ADARB2: variants seen among roughly 807,000 people sequenced by gnomAD.
ADARB2 encodes the protein adenosine deaminase RNA specific B2 (inactive).
Under a neutral mutation model 62.2 loss-of-function variants are expected in ADARB2, and 25 were observed. The ratio of observed to expected loss-of-function variants is 0.40; its 90% CI spans 0.29 to 0.56. The LOEUF is 0.56. Among genes scored for constraint, ADARB2 ranks in the 20% least tolerant of loss-of-function variants. The pLI is 0.43. For missense variants in ADARB2, 1,071 were observed against 1,077.4 expected, an observed-to-expected ratio of 0.99 and a Z score of 0.08; for synonymous variants, 572 against 500.8, an observed-to-expected ratio of 1.14 and a Z score of -1.90.
chr10:1,410,952 C>T (rs1041104763), intron 1 of ADARB2, among the ~76,000 whole-genome samples: 8 of 152,308 alleles, frequency 5.3e-5, no homozygotes, highest in Admixed American at 2.0e-4. Context: ...CTCCTGGAGG[C>T]GAAGGGCTGA....
intron 1 of ADARB2, among the ~76,000 whole-genome samples, chr10:1,500,491 T>A (rs1366362389): frequency 1.3e-5 from 2 of 152,238 alleles, no homozygotes; most frequent in Non-Finnish European, 2.9e-5. Context: ...ATCTTGATAC[T>A]TCTAGGTTGA....
At chr10:1,215,266 G>A (rs1173940611) in intron 7 of ADARB2, among the ~76,000 whole-genome samples, 3 of 152,260 alleles carry the variant, frequency 2.0e-5, no homozygotes, top group African/African-American at 7.2e-5. Context: ...TGCCCCATGG[G>A]CATCTGTCTG....
At chr10:1,375,794 A>ACG (rs1273383662) in intron 2 of ADARB2, among the ~76,000 whole-genome samples, 4 of 138,556 alleles carry the variant, frequency 2.9e-5, no homozygotes, top group East Asian at 4.3e-4. Context: ...ACATGCACAC[A>ACG]CGCACACACA....
At chr10:1,640,996 A>G (rs1833973081) in intron 1 of ADARB2, among the ~76,000 whole-genome samples, 1 of 152,206 alleles carries the variant, frequency 6.6e-6, no homozygotes, top group Non-Finnish European at 1.5e-5. Context: ...AACCCATGAA[A>G]AGCTTAGATT....
At chr10:1,690,830 C>T (rs953089882) in intron 1 of ADARB2, among the ~76,000 whole-genome samples, 2 of 152,226 alleles carry the variant, frequency 1.3e-5, no homozygotes, top group African/African-American at 4.8e-5. Flanking sequence ...CGGGTCTCCC[C>T]GATCCTCCTC....
In ADARB2 at chr10:1,242,263, G is replaced by C; in HGVS notation, c.1229C>G (p.Ser410Cys). The C allele has an allele frequency of 6.3e-7, 1 of 1,581,596 alleles. No individual in the cohort carries two copies. The highest frequency in any genetic ancestry group is 8.6e-7 in the Non-Finnish European group (1 of 1,165,680). ...DARQAQVVAL[S>C]SGTKCISGEH... Reference sequence around the variant, plus strand: ...GCCGCTGATGCACTTGGTCCCCGAGGACAGGGCCACGACCTGCGCCTGCCG... The same window carrying C: ...GCCGCTGATGCACTTGGTCCCCGAGCACAGGGCCACGACCTGCGCCTGCCG... The change falls in exon 5 of 10, where the codon TCC (serine) becomes TGC (cysteine). Residue 410 changes from serine (S) to cysteine (C), a missense_variant. By Grantham distance (112) the Ser-to-Cys change is moderately radical. Transcript: ENST00000381312.
intron 1 of ADARB2, among the ~76,000 whole-genome samples, chr10:1,540,136 C>T (rs377562905): frequency 3.3e-5 from 5 of 152,292 alleles, no homozygotes; most frequent in Admixed American, 1.3e-4. Context: ...GGCCCCGATT[C>T]TCAACAATAT....
At chr10:1,299,722 C>T (rs1318846018) in intron 3 of ADARB2, among the ~76,000 whole-genome samples, 1 of 152,204 alleles carries the variant, frequency 6.6e-6, no homozygotes, top group Non-Finnish European at 1.5e-5. Flanking sequence ...CTCTTCTGCC[C>T]CTGGGCTTCG....
intron 1 of ADARB2, among the ~76,000 whole-genome samples, chr10:1,695,308 G>A (rs1370675108): frequency 2.0e-5 from 3 of 152,168 alleles, no homozygotes; most frequent in Admixed American, 1.3e-4. Context: ...CTTACCAGCG[G>A]TGCAGCTCAG....
intron 1 of ADARB2, among the ~76,000 whole-genome samples, chr10:1,608,774 GAGAA>G (rs72347975): frequency 0.2 from 27,242 of 139,228 alleles, 2,710 homozygotes; most frequent in Non-Finnish European, 0.22. Flanking sequence ...GAAAGAGAAA[GAGAA>G]AGAAAGAAAG....
intron 7 of ADARB2, among the ~76,000 whole-genome samples, chr10:1,209,030 G>C (rs987620228): frequency 1.3e-5 from 2 of 152,148 alleles, no homozygotes; most frequent in African/African-American, 2.4e-5. Flanking sequence ...CAGATACCAC[G>C]GTGGATTTCA....
intron 1 of ADARB2, chr10:1,676,144 G>A (rs1277105494): frequency 2.8e-6 from 2 of 703,936 alleles, no homozygotes; most frequent in African/African-American, 1.9e-5. Flanking sequence ...CTTGGCAAAT[G>A]TGCAATATGA....
At chr10:1,616,391 G>A (rs998251786) in intron 1 of ADARB2, among the ~76,000 whole-genome samples, 5 of 150,042 alleles carry the variant, frequency 3.3e-5, no homozygotes, top group African/African-American at 9.8e-5. Flanking sequence ...TCTACCCTGA[G>A]CTGCTGAGCT....
intron 3 of ADARB2, among the ~76,000 whole-genome samples, chr10:1,332,071 C>A (rs117204333): frequency 1.1e-3 from 165 of 152,300 alleles, no homozygotes; most frequent in Middle Eastern, 3.4e-3. Flanking sequence ...TCATATTCAT[C>A]CGAAGAAGTC....
At chr10:1,692,018 C>G (rs1232604110) in intron 1 of ADARB2, among the ~76,000 whole-genome samples, 1 of 152,182 alleles carries the variant, frequency 6.6e-6, no homozygotes, top group Non-Finnish European at 1.5e-5. Flanking sequence ...CTGCTGTCTC[C>G]TGATGCACAG....
At chr10:1,370,043 T>C (rs5013176) in intron 2 of ADARB2, among the ~76,000 whole-genome samples, 126,138 of 152,240 alleles carry the variant, frequency 0.83, 56,441 homozygotes, top group Non-Finnish European at 0.98. Flanking sequence ...GCATTCTCTG[T>C]CAAATGTTGC....
intron 1 of ADARB2, among the ~76,000 whole-genome samples, chr10:1,467,053 TC>T (rs1160559481): frequency 6.6e-6 from 1 of 152,034 alleles, no homozygotes; most frequent in Non-Finnish European, 1.5e-5. Flanking sequence ...CATCTCTCTC[TC>T]TCTCTCTCGC....
At chr10:1,213,962 G>A (rs377271813) in intron 7 of ADARB2, among the ~76,000 whole-genome samples, 30 of 146,612 alleles carry the variant, frequency 2.0e-4, no homozygotes, top group Admixed American at 6.1e-4. Context: ...GTTTGCACGT[G>A]TCCAGCATCA....
At chr10:1,200,168 C>T in intron 7 of ADARB2, 21 bp from the exon 8 acceptor site, 3 of 1,550,278 alleles carry the variant, frequency 1.9e-6, no homozygotes, top group Non-Finnish European at 2.6e-6. Context: ...AGCCAGCAGT[C>T]AGCGGAGCCC....
Sources: gnomAD v4.1 joint callset for allele counts (sites outside exome capture counted in the v4.1 genomes callset) on GRCh38, gnomAD v4.1.1 for gene constraint, MANE v1.5 for transcripts, NCBI Gene and HGNC (gene_info 2026-07-23, HGNC 2026-07-21) for gene names.